KCNIP4: variants seen among roughly 807,000 people sequenced by gnomAD.
The protein encoded by KCNIP4 is potassium voltage-gated channel interacting protein 4.
A neutral mutation model predicts 34.0 loss-of-function variants in KCNIP4; 12 were observed. The ratio of observed to expected loss-of-function variants is 0.35; its 90% CI spans 0.23 to 0.57. The LOEUF (loss-of-function observed/expected upper bound fraction) is 0.57. KCNIP4 is among the 20% of genes least tolerant of loss of function. KCNIP4 has a pLI of 0.83. For missense variants in KCNIP4, 238 were observed against 311.7 expected (o/e 0.76, Z 1.78); for synonymous variants, 124 against 102.2 (o/e 1.21, Z -1.29).
At chr4:21,223,725 A>G (rs1056820104) in intron 1 of KCNIP4, among the ~76,000 whole-genome samples, 4 of 152,214 alleles carry the variant, frequency 2.6e-5, no homozygotes, top group South Asian at 2.1e-4. Context: ...TAATTTACCA[A>G]TGCAATCTAT....
At chr4:21,361,677 T>A (rs571240482) in intron 1 of KCNIP4, among the ~76,000 whole-genome samples, 1 of 150,046 alleles carries the variant, frequency 6.7e-6, no homozygotes, top group Non-Finnish European at 1.5e-5. Flanking sequence ...TCAGATTGTT[T>A]TTTTTTTCAT....
At chr4:20,761,424 T>G (rs1754949127) in intron 3 of KCNIP4, among the ~76,000 whole-genome samples, 1 of 152,208 alleles carries the variant, frequency 6.6e-6, no homozygotes, top group Non-Finnish European at 1.5e-5. Context: ...TGACTATCTA[T>G]CTAGCTGACA....
chr4:21,564,966 A>C (rs957626193), intron 1 of KCNIP4, among the ~76,000 whole-genome samples: 2 of 152,132 alleles, frequency 1.3e-5, no homozygotes, highest in African/African-American at 4.8e-5. Context: ...ATCTCCCCCA[A>C]TTAGGCCACA....
intron 1 of KCNIP4, among the ~76,000 whole-genome samples, chr4:21,412,339 C>T (rs1724581042): frequency 6.6e-6 from 1 of 152,178 alleles, no homozygotes; most frequent in Admixed American, 6.5e-5. Context: ...CACATGGATT[C>T]CCTTTCCAAG....
At chr4:21,461,249 T>C (rs358568) in intron 1 of KCNIP4, among the ~76,000 whole-genome samples, 2,134 of 152,114 alleles carry the variant, frequency 0.014, 56 homozygotes, top group African/African-American at 0.049. Flanking sequence ...CATGGGAAGA[T>C]GTGCCTTGCT....
At chr4:21,752,991 GTTTT>G (rs368077136) in intron 1 of KCNIP4, among the ~76,000 whole-genome samples, 1 of 152,078 alleles carries the variant, frequency 6.6e-6, no homozygotes, top group African/African-American at 2.4e-5. Context: ...CAATTAGAGG[GTTTT>G]TTTTTATCTT....
chr4:21,716,847 GTGAC>G (rs1369271817), intron 1 of KCNIP4, among the ~76,000 whole-genome samples: 1 of 152,060 alleles, frequency 6.6e-6, no homozygotes, highest in Non-Finnish European at 1.5e-5. Flanking sequence ...TCCTTTTGGG[GTGAC>G]TGACTATTAA....
chr4:21,819,609 AAAG>A (rs1722206243), intron 1 of KCNIP4, among the ~76,000 whole-genome samples: 2 of 152,186 alleles, frequency 1.3e-5, no homozygotes, highest in East Asian at 1.9e-4. Context: ...TAAATGAAAA[AAAG>A]AAGAAGAATC....
intron 1 of KCNIP4, among the ~76,000 whole-genome samples, chr4:21,630,793 C>T (rs1195603303): frequency 6.6e-6 from 1 of 152,134 alleles, no homozygotes; most frequent in African/African-American, 2.4e-5. Context: ...TCTAGACGCC[C>T]GCAAGAAAGA....
At chr4:21,260,776 T>C (rs1175165478) in intron 1 of KCNIP4, among the ~76,000 whole-genome samples, 2 of 152,170 alleles carry the variant, frequency 1.3e-5, no homozygotes, top group African/African-American at 2.4e-5. Flanking sequence ...ATGGAATATT[T>C]TTGTCATTCC....
chr4:21,081,122 C>G (rs1262772346), intron 1 of KCNIP4, among the ~76,000 whole-genome samples: 1 of 151,706 alleles, frequency 6.6e-6, no homozygotes, highest in Non-Finnish European at 1.5e-5. Flanking sequence ...GCATGATATA[C>G]TGTGGGGACT....
At chr4:21,885,795 A>G (rs778966204) in intron 1 of KCNIP4, among the ~76,000 whole-genome samples, 2 of 152,062 alleles carry the variant, frequency 1.3e-5, no homozygotes, top group Non-Finnish European at 2.9e-5. Flanking sequence ...TAAGAATATT[A>G]TGTTTTTTTC....
intron 1 of KCNIP4, among the ~76,000 whole-genome samples, chr4:21,693,804 T>C (rs919277968): frequency 6.6e-6 from 1 of 152,162 alleles, no homozygotes; most frequent in Non-Finnish European, 1.5e-5. Context: ...TGAAATACTT[T>C]AACACACTAG....
chr4:21,819,631 T>C (rs1466225147), intron 1 of KCNIP4, among the ~76,000 whole-genome samples: 2 of 152,192 alleles, frequency 1.3e-5, no homozygotes, highest in Non-Finnish European at 2.9e-5. Flanking sequence ...TCTCAGATAA[T>C]TAATTTTGTT....
chr4:21,374,433 G>C (rs1720783400), intron 1 of KCNIP4, among the ~76,000 whole-genome samples: 1 of 147,016 alleles, frequency 6.8e-6, no homozygotes. Flanking sequence ...CATGAGAACA[G>C]TATGCGGGAA....
chr4:21,500,497 G>C (rs1350128317), intron 1 of KCNIP4, among the ~76,000 whole-genome samples: 1 of 152,092 alleles, frequency 6.6e-6, no homozygotes, highest in Admixed American at 6.6e-5. Context: ...ATTAGACAAA[G>C]TATATAGAGC....
intron 1 of KCNIP4, among the ~76,000 whole-genome samples, chr4:21,143,391 G>A (rs1752114093): frequency 6.6e-6 from 1 of 152,156 alleles, no homozygotes. Context: ...CCAATAGTCA[G>A]CAAGGAAATG....
intron 1 of KCNIP4, among the ~76,000 whole-genome samples, chr4:21,825,907 G>A (rs762721294): frequency 8.5e-5 from 13 of 152,048 alleles, no homozygotes; most frequent in Non-Finnish European, 1.6e-4. Context: ...GGAGAATCAG[G>A]GACCCCTTAG....
intron 1 of KCNIP4, among the ~76,000 whole-genome samples, chr4:21,365,154 T>C (rs1429721982): frequency 1.3e-5 from 2 of 152,094 alleles, no homozygotes; most frequent in East Asian, 3.9e-4. Flanking sequence ...AATATGCAAT[T>C]ATGTGTTAAA....
Sources: gnomAD v4.1 joint callset for allele counts (sites outside exome capture counted in the v4.1 genomes callset) on GRCh38, gnomAD v4.1.1 for gene constraint, MANE v1.5 for transcripts, NCBI Gene and HGNC (gene_info 2026-07-23, HGNC 2026-07-21) for gene names.